The following GALNT16 variants were observed in gnomAD, a reference collection of about 807,000 sequenced individuals.
GALNT16 encodes the protein polypeptide N-acetylgalactosaminyltransferase 16, also known as UDP-GalNAc:polypeptide N-acetylgalactosaminyltransferase-like protein 1.
Under a neutral mutation model 76.1 loss-of-function variants are expected in GALNT16, and 40 were observed. The ratio of observed to expected loss-of-function variants is 0.53; its 90% confidence interval spans 0.41 to 0.68. GALNT16 has a LOEUF of 0.68. Ranked by LOEUF, GALNT16 falls within the 30% of genes least tolerant of loss-of-function variation. The pLI is 0.00. For synonymous variants in GALNT16, 276 were observed against 285.2 expected, an observed-to-expected ratio of 0.97 and a Z score of 0.32; for missense variants, 621 against 731.9, an observed-to-expected ratio of 0.85 and a Z score of 1.75.
intron 11 of GALNT16, among the ~76,000 whole-genome samples, chr14:69,340,790 ATTT>A (rs2045476355): frequency 6.6e-6 from 1 of 152,048 alleles, no homozygotes; most frequent in Admixed American, 6.6e-5. Context: ...CTGGCCTGAA[ATTT>A]TTTCCTAAGT....
At chr14:69,385,310 T>C in the GALNT16 span, among the ~76,000 whole-genome samples, 3 of 152,178 alleles carry the variant, frequency 2.0e-5, no homozygotes, top group Non-Finnish European at 4.4e-5. Flanking sequence ...CCTGAATTAA[T>C]TGCAGTTCCC....
the GALNT16 span, among the ~76,000 whole-genome samples, chr14:69,383,194 T>C: frequency 8.5e-5 from 13 of 152,250 alleles, no homozygotes; most frequent in African/African-American, 3.1e-4. Flanking sequence ...AAAATCTGAC[T>C]CTGACTTTAA....
chr14:69,274,804 G>C (rs1480575113), intron 1 of GALNT16, among the ~76,000 whole-genome samples: 55 of 152,182 alleles, frequency 3.6e-4, no homozygotes, highest in Non-Finnish European at 7.4e-5. Context: ...TGTCCAGCTT[G>C]TTCTGGTACT....
chr14:69,348,410 A>G (rs982739562), intron 14 of GALNT16: 2 of 323,362 alleles, frequency 6.2e-6, no homozygotes, highest in Non-Finnish European at 1.1e-5. Context: ...CCTCCATTTT[A>G]TAAGTGAGTA....
At chr14:69,368,656 G>A in the GALNT16 span, among the ~76,000 whole-genome samples, 2 of 152,138 alleles carry the variant, frequency 1.3e-5, no homozygotes, top group South Asian at 2.1e-4. Context: ...GGGTTTACAC[G>A]AGGGCTTGAC....
chr14:69,339,539 C>G lies in GALNT16; in HGVS notation c.1107C>G (p.Arg369=), dbSNP rs748252304. 6.2e-7 allele frequency: 1 copy of G among 1,608,002 alleles called. No homozygotes were observed. Among genetic ancestry groups the G allele is most frequent in the Non-Finnish European group, 8.5e-7 (1 of 1,174,380 alleles). ...NALTYIRNTK[R]TAEVWMDEYK... ...CCTCTCCTTTTAGGAATACTAAGCG[C>G]ACTGCAGAAGTGTGGATGGATGAAT... Residue 369 remains arginine, a synonymous_variant, in exon 11 of 15, where the codon CGC becomes CGG. Coordinates refer to ENST00000448469, the MANE Select transcript of GALNT16 (RefSeq NM_001168368.2).
intron 1 of GALNT16, among the ~76,000 whole-genome samples, chr14:69,308,099 C>T (rs1347249884): frequency 1.3e-5 from 2 of 152,264 alleles, no homozygotes; most frequent in Middle Eastern, 3.4e-3. Flanking sequence ...TAAGCTACTC[C>T]GGACGGTACC....
chr14:69,374,381 G>C, the GALNT16 span, among the ~76,000 whole-genome samples: 1 of 152,132 alleles, frequency 6.6e-6, no homozygotes, highest in Admixed American at 6.5e-5. Context: ...GATCATTCTT[G>C]TTCATCTTTG....
intron 14 of GALNT16, 47 bp downstream of exon 14, chr14:69,348,049 C>T (rs768893661): frequency 1.2e-6 from 2 of 1,605,028 alleles, no homozygotes; most frequent in Non-Finnish European, 1.7e-6. Flanking sequence ...CCCGAGGGGC[C>T]ATGCCTCAGG....
At chr14:69,275,423 A>G (rs553342776) in intron 1 of GALNT16, among the ~76,000 whole-genome samples, 5 of 152,244 alleles carry the variant, frequency 3.3e-5, no homozygotes, top group African/African-American at 1.2e-4. Context: ...GTTAGGGAGG[A>G]AAAGAACTGC....
At chr14:69,359,990 A>T (rs536023551), downstream of GALNT16, among the ~76,000 whole-genome samples, 13 of 151,762 alleles carry the variant, frequency 8.6e-5, no homozygotes, top group East Asian at 2.3e-3. Flanking sequence ...GTGTCATTGC[A>T]CTCCAGCCTG....
chr14:69,274,762 G>T (rs191543750), intron 1 of GALNT16, among the ~76,000 whole-genome samples: 1 of 152,312 alleles, frequency 6.6e-6, no homozygotes, highest in African/African-American at 2.4e-5. Context: ...AGAATAGACT[G>T]GAGGACGGCA....
At chr14:69,316,191 C>G (rs959311884) in intron 1 of GALNT16, among the ~76,000 whole-genome samples, 1 of 152,192 alleles carries the variant, frequency 6.6e-6, no homozygotes, top group African/African-American at 2.4e-5. Flanking sequence ...CCAAGACAGG[C>G]AAACTACCAT....
chr14:69,361,324 G>T (rs2045722365), downstream of GALNT16, among the ~76,000 whole-genome samples: 1 of 152,090 alleles, frequency 6.6e-6, no homozygotes, highest in South Asian at 2.1e-4. Context: ...TATCAGGTAG[G>T]TATTTTCAAT....
chr14:69,260,488 G>T, intron 1 of GALNT16, 21 bp downstream of exon 1: 19 of 1,358,392 alleles, frequency 1.4e-5, no homozygotes, highest in Non-Finnish European at 1.8e-5. Flanking sequence ...CCCGAGCGTC[G>T]GCCGGCCGGC....
chr14:69,386,306 A>C, the GALNT16 span, among the ~76,000 whole-genome samples: 1 of 152,238 alleles, frequency 6.6e-6, no homozygotes, highest in African/African-American at 2.4e-5. Context: ...CTAGCACAGC[A>C]CCTGACATGT....
At chr14:69,377,319 G>A in the GALNT16 span, among the ~76,000 whole-genome samples, 7 of 151,994 alleles carry the variant, frequency 4.6e-5, no homozygotes, top group African/African-American at 1.7e-4. Flanking sequence ...GTATTGCTTT[G>A]TGATCTGGTG....
At chr14:69,341,640 A>G (rs1184356104) in intron 11 of GALNT16, 41 bp from the exon 12 acceptor site, 1 of 1,420,226 alleles carries the variant, frequency 7.0e-7, no homozygotes, top group Admixed American at 1.8e-5. Flanking sequence ...GCTGCCTTCC[A>G]CACTGGCAGG....
intron 1 of GALNT16, among the ~76,000 whole-genome samples, chr14:69,316,708 T>C (rs1339883195): frequency 2.1e-5 from 3 of 140,630 alleles, no homozygotes; most frequent in African/African-American, 8.2e-5. Flanking sequence ...TGGAAGCAAG[T>C]TCAGCAAGGT....
Sources: gnomAD v4.1 joint callset for allele counts (sites outside exome capture counted in the v4.1 genomes callset) on GRCh38, gnomAD v4.1.1 for gene constraint, MANE v1.5 for transcripts, NCBI Gene and HGNC (gene_info 2026-07-23, HGNC 2026-07-21) for gene names.